Variants in HHLA2 observed in about 807,000 individuals in gnomAD.
HHLA2 encodes the protein HHLA2 member of B7 family.
Under a neutral mutation model 45.9 loss-of-function variants are expected in HHLA2, and 48 were observed. The observed-to-expected ratio is 1.05, with a 90% CI of 0.83 to 1.33. The LOEUF (loss-of-function observed/expected upper bound fraction) is 1.33. HHLA2 is among the 40% of genes most tolerant of loss of function. The pLI, the probability that HHLA2 is intolerant of heterozygous loss-of-function variation, is 0.00. For synonymous variants in HHLA2, 161 were observed against 173.9 expected (o/e 0.93, Z 0.59); for missense variants, 462 against 494.3 (o/e 0.93, Z 0.62).
chr3:108,358,170 C>A lies in HHLA2; in HGVS notation c.1003+9C>A. ...CCACACAGTGCATGTAGGTAAGTTG[C>A]AAGTAGGTTTGGATAATGGGTTTTG... On this transcript the variant is annotated intron_variant, in intron 7 of 10. Transcript: ENST00000619531. 2.5e-6 allele frequency: 4 copies of A among 1,585,006 alleles called. No individual in the cohort carries two copies. The highest frequency in any genetic ancestry group is 3.4e-6 in the Non-Finnish European group (4 of 1,162,034).
At chr3:108,328,361 T>A (rs569200335) in intron 3 of HHLA2, 1 of 1,508,010 alleles carries the variant, frequency 6.6e-7, no homozygotes, top group African/African-American at 1.4e-5. Context: ...AGTAGGGAGA[T>A]ATACAATGAG....
At chr3:108,361,240 T>A (rs1052984594) in intron 7 of HHLA2, among the ~76,000 whole-genome samples, 1 of 152,240 alleles carries the variant, frequency 6.6e-6, no homozygotes, top group Non-Finnish European at 1.5e-5. Flanking sequence ...CTGTCTGAAA[T>A]TTTTAAAAGG....
intron 3 of HHLA2, among the ~76,000 whole-genome samples, chr3:108,339,217 T>C (rs2081524829): frequency 6.6e-6 from 1 of 152,188 alleles, no homozygotes; most frequent in Non-Finnish European, 1.5e-5. Context: ...AAATAACTTT[T>C]TGGAACCAGG....
At chr3:108,351,654 A>G (rs1560245623) in intron 3 of HHLA2, 134 bp from the exon 3 acceptor site, 1 of 534,450 alleles carries the variant, frequency 1.9e-6, no homozygotes, top group Admixed American at 3.6e-5. Flanking sequence ...AATTCCTTCC[A>G]TGCCATTGAA....
intron 2 of HHLA2, among the ~76,000 whole-genome samples, chr3:108,318,707 G>A (rs1456747914): frequency 6.6e-6 from 1 of 152,076 alleles, no homozygotes; most frequent in African/African-American, 2.4e-5. Flanking sequence ...TTTTACTCAT[G>A]CTGTCAAATA....
intron 1 of HHLA2, among the ~76,000 whole-genome samples, chr3:108,297,041 T>C (rs1192649913): frequency 6.6e-6 from 1 of 152,240 alleles, no homozygotes; most frequent in African/African-American, 2.4e-5. Context: ...AGGACCGTAG[T>C]AGTGGTTATC....
chr3:108,363,358 C>T (rs1041157961), intron 8 of HHLA2, among the ~76,000 whole-genome samples: 2 of 152,074 alleles, frequency 1.3e-5, no homozygotes, highest in African/African-American at 2.4e-5. Context: ...GTTGAGGCCC[C>T]CAGAAGCCCT....
At chr3:108,376,532 C>T (rs1242154211) in exon 10 of HHLA2, 2 of 1,612,534 alleles carry the variant, frequency 1.2e-6, no homozygotes, top group Middle Eastern at 3.3e-4. Flanking sequence ...TGTCCCAGTG[C>T]ACCCGATAAT....
chr3:108,347,985 T>C (rs1449852925), intron 3 of HHLA2, among the ~76,000 whole-genome samples: 1 of 152,040 alleles, frequency 6.6e-6, no homozygotes, highest in African/African-American at 2.4e-5. Flanking sequence ...GAGGTGGAAA[T>C]GGCTCATGTT....
At chr3:108,320,240 C>G (rs1228168801) in intron 2 of HHLA2, among the ~76,000 whole-genome samples, 2 of 152,176 alleles carry the variant, frequency 1.3e-5, no homozygotes, top group East Asian at 1.9e-4. Context: ...GAAGTTTGTT[C>G]CAATTTACAC....
chr3:108,348,204 C>T (rs1391573664), intron 3 of HHLA2, among the ~76,000 whole-genome samples: 1 of 151,818 alleles, frequency 6.6e-6, no homozygotes, highest in Admixed American at 6.6e-5. Context: ...CAGTAAAGGA[C>T]TTAGAAGGAA....
At chr3:108,327,107 AT>A in intron 2 of HHLA2, among the ~76,000 whole-genome samples, 1 of 152,134 alleles carries the variant, frequency 6.6e-6, no homozygotes. Flanking sequence ...GGGGGTTGCA[AT>A]TTTGGGTTGG....
At chr3:108,319,665 C>A (rs1398558485) in intron 2 of HHLA2, among the ~76,000 whole-genome samples, 1 of 152,208 alleles carries the variant, frequency 6.6e-6, no homozygotes. Context: ...CTAAAATATT[C>A]TAGTGCTAAC....
At chr3:108,330,240 A>G (rs539886756) in intron 3 of HHLA2, among the ~76,000 whole-genome samples, 1 of 152,312 alleles carries the variant, frequency 6.6e-6, no homozygotes, top group East Asian at 1.9e-4. Flanking sequence ...CAGCCCTGGT[A>G]CAGTGTGGGA....
At chr3:108,347,056 C>A (rs1363076245) in intron 3 of HHLA2, among the ~76,000 whole-genome samples, 1 of 152,080 alleles carries the variant, frequency 6.6e-6, no homozygotes, top group African/African-American at 2.4e-5. Context: ...ACATTTGGGC[C>A]CTTTTGTAAG....
chr3:108,354,809 C>T (rs2081854008), intron 5 of HHLA2, among the ~76,000 whole-genome samples: 2 of 152,020 alleles, frequency 1.3e-5, no homozygotes, highest in African/African-American at 4.8e-5. Context: ...ACTTAGACAT[C>T]CTCATTTTGG....
At chr3:108,339,983 GAT>G (rs991039712) in intron 3 of HHLA2, among the ~76,000 whole-genome samples, 1 of 152,192 alleles carries the variant, frequency 6.6e-6, no homozygotes, top group Middle Eastern at 3.2e-3. Context: ...AGTGGCAACA[GAT>G]GTGGCCCCAA....
intron 3 of HHLA2, among the ~76,000 whole-genome samples, chr3:108,332,627 G>A (rs770743792): frequency 3.3e-5 from 5 of 152,174 alleles, no homozygotes; most frequent in Non-Finnish European, 7.3e-5. Flanking sequence ...GGCTCTGATA[G>A]TGCCATCATT....
intron 8 of HHLA2, 45 bp downstream of exon 7, chr3:108,362,491 T>C (rs938613419): frequency 1.6e-6 from 2 of 1,216,656 alleles, no homozygotes; most frequent in African/African-American, 3.0e-5. Flanking sequence ...CCACATCACG[T>C]ATATTAAAGA....
Sources: gnomAD v4.1 joint callset for allele counts (sites outside exome capture counted in the v4.1 genomes callset) on GRCh38, gnomAD v4.1.1 for gene constraint, MANE v1.5 for transcripts, NCBI Gene and HGNC (gene_info 2026-07-23, HGNC 2026-07-21) for gene names.